The following BRWD1 variants were observed in gnomAD, a reference collection of about 807,000 sequenced individuals.
The protein encoded by BRWD1 is bromodomain and WD repeat-containing protein 1.
A neutral mutation model predicts 251.2 loss-of-function variants in BRWD1; 82 were observed. The ratio of observed to expected loss-of-function variants is 0.33; its 90% CI spans 0.27 to 0.39. The LOEUF (loss-of-function observed/expected upper bound fraction) is 0.39, where lower values mean the gene tolerates loss of function less well. Among genes scored for constraint, BRWD1 ranks in the 10% least tolerant of loss-of-function variants. The pLI is 1.00. For synonymous variants in BRWD1, 918 were observed against 902.8 expected, an observed-to-expected ratio of 1.02 and a Z score of -0.30; for missense variants, 2,233 against 2,711.6, an observed-to-expected ratio of 0.82 and a Z score of 3.92.
At chr21:39,223,256 ATTT>A (rs924860804) in intron 29 of BRWD1, among the ~76,000 whole-genome samples, 2 of 152,004 alleles carry the variant, frequency 1.3e-5, no homozygotes, top group African/African-American at 4.8e-5. Flanking sequence ...TCCTTGTACT[ATTT>A]TTTTTAACTT....
At chr21:39,250,715 C>T (rs2034366757) in intron 20 of BRWD1, 81 bp downstream of exon 20, 8 of 881,304 alleles carry the variant, frequency 9.1e-6, no homozygotes, top group Admixed American at 6.0e-5. Context: ...ATGAAAGTTA[C>T]TGATAGTTTT....
At position 39,196,987 on chromosome 21, in the gene BRWD1, G is replaced by A; in HGVS notation, c.6082C>T (p.His2028Tyr). ...SDSEDMLNSE[H>Y]KHRHTNIHKI... ...TGAATATTGGTATGCCTGTGCTTGT[G>A]TTCTGAATTCAACATATCTTCAGAG... The change falls in exon 41 of 41, where the codon CAC becomes TAC. Residue 2028 changes from histidine (H) to tyrosine (Y), a missense_variant. Transcript: ENST00000342449. 6.2e-7 allele frequency: 1 copy of A among 1,614,038 alleles called. No homozygotes were observed. Among genetic ancestry groups the A allele is most frequent in the Non-Finnish European group, 8.5e-7 (1 of 1,179,946 alleles).
At position 39,194,814 on chromosome 21, in the gene BRWD1, C is replaced by G; in HGVS notation, c.*1445G>C. ...GTCTAATATTGATACCAGTCTGATG[C>G]TTCACCTTATCTGCCACTTCAAAGA... On this transcript the variant is annotated 3_prime_UTR_variant, in exon 41 of 41. Transcript: ENST00000342449. The G allele has an allele frequency of 6.5e-7, 1 of 1,534,462 alleles. No homozygotes were observed. Among genetic ancestry groups the G allele is most frequent in the Non-Finnish European group, 8.7e-7 (1 of 1,145,594 alleles).
chr21:39,198,486 A>C (rs1264863025), intron 40 of BRWD1, among the ~76,000 whole-genome samples: 1 of 152,158 alleles, frequency 6.6e-6, no homozygotes, highest in African/African-American at 2.4e-5. Flanking sequence ...ATATATCCCC[A>C]TCATCAATAC....
chr21:39,310,693 T>C (rs1192337352), intron 4 of BRWD1, among the ~76,000 whole-genome samples: 1 of 152,188 alleles, frequency 6.6e-6, no homozygotes, highest in African/African-American at 2.4e-5. Context: ...TACTTCTTTT[T>C]TGTTGTTGCG....
rs982610024 is a variant in BRWD1 at position 39,305,639 on chromosome 21, T to C, written c.199-7057A>G. ...CAGCACTTTGGGAGGCTGAGGTGGGTGGATCACAAGGTCAAGAGATAGAGA... is the reference window on the plus strand; with the variant it reads ...CAGCACTTTGGGAGGCTGAGGTGGGCGGATCACAAGGTCAAGAGATAGAGA... On this transcript the variant is annotated intron_variant, in intron 4 of 40. Transcript: ENST00000342449. 1.6e-4 allele frequency among the ~76,000 whole-genome samples: 25 copies of C among 151,990 alleles called. No individual in the cohort carries two copies. In the South Asian group the frequency reaches 1.7e-3, roughly 10 times the overall value.
chr21:39,194,912 GTACTGTAACA>G lies in BRWD1; in HGVS notation c.*1337_*1346del. 6.6e-7 allele frequency: 1 copy of G among 1,512,574 alleles called. No individual in the cohort carries two copies. Among genetic ancestry groups the G allele is most frequent in the Non-Finnish European group, 8.8e-7 (1 of 1,135,098 alleles). The allele number at this position is 1,512,574 out of a possible 1,614,324, so 93.7% of individuals were successfully genotyped here. On this transcript the variant is annotated 3_prime_UTR_variant, in exon 41 of 41. Coordinates refer to ENST00000342449, the MANE Select transcript of BRWD1 (RefSeq NM_033656.4). ...GGCTAATAAATAACTTACAGGTGGG[GTACTGTAACA>G]TATCCCTTACCCACTAAATATGTAA...
At chr21:39,247,282 G>T (rs1254518811) in intron 21 of BRWD1, among the ~76,000 whole-genome samples, 1 of 152,094 alleles carries the variant, frequency 6.6e-6, no homozygotes, top group African/African-American at 2.4e-5. Context: ...ATATACTACA[G>T]GTTATATACC....
chr21:39,295,306 C>T (rs1240531670), intron 7 of BRWD1, among the ~76,000 whole-genome samples: 1 of 151,246 alleles, frequency 6.6e-6, no homozygotes, highest in East Asian at 2.0e-4. Context: ...CCTACCTCAG[C>T]CTCCCGAGTA....
At chr21:39,223,050 A>G (rs563801152) in intron 29 of BRWD1, among the ~76,000 whole-genome samples, 1 of 152,342 alleles carries the variant, frequency 6.6e-6, no homozygotes, top group Admixed American at 6.5e-5. Flanking sequence ...TAAAGTCATG[A>G]AAGACAGTGA....
At chr21:39,284,487 C>T (rs116268476) in intron 8 of BRWD1, among the ~76,000 whole-genome samples, 2,348 of 152,236 alleles carry the variant, frequency 0.015, 59 homozygotes, top group African/African-American at 0.054. Flanking sequence ...CTGGGGGAGG[C>T]GGGAGAACCT....
intron 21 of BRWD1, among the ~76,000 whole-genome samples, chr21:39,239,632 T>G (rs1469154706): frequency 6.6e-6 from 1 of 152,190 alleles, no homozygotes; most frequent in East Asian, 1.9e-4. Context: ...TCTTCAGTGT[T>G]GTGCTGGCTA....
At chr21:39,309,301 C>G (rs1045038271) in intron 4 of BRWD1, among the ~76,000 whole-genome samples, 1 of 133,346 alleles carries the variant, frequency 7.5e-6, no homozygotes, top group African/African-American at 2.8e-5. Context: ...AAAAAAAAAA[C>G]TTAGCCAGGT....
intron 38 of BRWD1, among the ~76,000 whole-genome samples, chr21:39,201,966 GCAA>G (rs1296490703): frequency 6.6e-6 from 1 of 152,154 alleles, no homozygotes; most frequent in Non-Finnish European, 1.5e-5. Context: ...CTACCAGATG[GCAA>G]CAACATGAAC....
intron 4 of BRWD1, among the ~76,000 whole-genome samples, chr21:39,299,805 T>C (rs1210987016): frequency 1.3e-5 from 1 of 78,112 alleles, no homozygotes; most frequent in African/African-American, 5.1e-5. Context: ...TGACATCCCA[T>C]CTCTACTAAA....
chr21:39,219,841 G>A (rs1327103494), intron 29 of BRWD1: 4 of 152,162 alleles, frequency 2.6e-5, no homozygotes, highest in African/African-American at 7.2e-5. Flanking sequence ...CTTGCAAAAA[G>A]AAAAAGGATT....
chr21:39,294,654 C>CAAAAAAAA (rs35545105), intron 7 of BRWD1, among the ~76,000 whole-genome samples: 1 of 98,848 alleles, frequency 1.0e-5, no homozygotes, highest in African/African-American at 4.6e-5. Flanking sequence ...GACTCCGTCT[C>CAAAAAAAA]AAAAAAAAAA....
chr21:39,215,199 T>C (rs758256933), intron 32 of BRWD1, 38 bp downstream of exon 32: 3 of 1,597,718 alleles, frequency 1.9e-6, no homozygotes, highest in Non-Finnish European at 1.7e-6. Context: ...TAGCACAATA[T>C]GCAGTCACTT....
At chr21:39,309,914 C>A (rs150874723) in intron 4 of BRWD1, among the ~76,000 whole-genome samples, 112 of 151,278 alleles carry the variant, frequency 7.4e-4, no homozygotes, top group Non-Finnish European at 9.7e-4. Context: ...ATATAATAAG[C>A]AGTCCTTATT....
Sources: gnomAD v4.1 joint callset for allele counts (sites outside exome capture counted in the v4.1 genomes callset) on GRCh38, gnomAD v4.1.1 for gene constraint, MANE v1.5 for transcripts, NCBI Gene and HGNC (gene_info 2026-07-23, HGNC 2026-07-21) for gene names.